Variants in NVL observed in about 807,000 individuals in gnomAD.
NVL encodes the protein nuclear valosin-containing protein-like.
A neutral mutation model predicts 110.2 loss-of-function variants in NVL; 84 were observed. That is an observed-to-expected ratio of 0.76 (90% CI 0.64 to 0.91). NVL has a LOEUF of 0.91. Ranked by LOEUF, NVL falls within the 40% of genes least tolerant of loss-of-function variation. The pLI is 0.00. For synonymous variants in NVL, 354 were observed against 361.1 expected, an observed-to-expected ratio of 0.98 and a Z score of 0.22; for missense variants, 882 against 1,035.9, an observed-to-expected ratio of 0.85 and a Z score of 2.04.
intron 18 of NVL, among the ~76,000 whole-genome samples, chr1:224,259,231 G>A (rs1663664216): frequency 6.6e-6 from 1 of 151,972 alleles, no homozygotes; most frequent in Non-Finnish European, 1.5e-5. Context: ...TGGGACTCTA[G>A]GTGCGCACCA....
chr1:224,301,071 A>T (rs896145327), intron 9 of NVL, among the ~76,000 whole-genome samples: 1 of 151,020 alleles, frequency 6.6e-6, no homozygotes, highest in East Asian at 1.9e-4. Flanking sequence ...GCGCCATTGC[A>T]CTCCAGCCTG....
At chr1:224,235,370 G>A (rs1660347206) in intron 20 of NVL, among the ~76,000 whole-genome samples, 1 of 151,986 alleles carries the variant, frequency 6.6e-6, no homozygotes, top group Non-Finnish European at 1.5e-5. Context: ...GTTTCACCAT[G>A]TTGGCCAGGT....
intron 18 of NVL, among the ~76,000 whole-genome samples, chr1:224,253,513 T>C (rs905233088): frequency 1.3e-5 from 2 of 150,702 alleles, no homozygotes; most frequent in African/African-American, 4.9e-5. Context: ...GGCGGGAGGA[T>C]CACAAGGTCA....
chr1:224,282,128 A>C (rs904767698), intron 15 of NVL, among the ~76,000 whole-genome samples: 22 of 148,914 alleles, frequency 1.5e-4, no homozygotes, highest in African/African-American at 5.5e-4. Flanking sequence ...TGCAGTGATG[A>C]GATCACCACT....
intron 20 of NVL, among the ~76,000 whole-genome samples, chr1:224,235,832 C>G (rs1242178907): frequency 6.6e-6 from 1 of 151,258 alleles, no homozygotes; most frequent in Non-Finnish European, 1.5e-5. Context: ...ATCCAGGAGG[C>G]TGAGGTCAGA....
chr1:224,284,500 C>T lies in NVL; in HGVS notation c.1899+1526G>A, dbSNP rs1012235573. 2.6e-5 allele frequency among the ~76,000 whole-genome samples: 4 copies of T among 152,048 alleles called. No homozygotes were observed. In the South Asian group the frequency reaches 6.2e-4, roughly 24 times the overall value. On this transcript the variant is annotated intron_variant, in intron 15 of 22. Coordinates refer to ENST00000281701, the MANE Select transcript of NVL (RefSeq NM_002533.4). ...AAGTGATTCTTGTGCCTCAGCCTCC[C>T]GAGTAGCTGGGATTACAGGCATGCA...
chr1:224,276,949 TTTTATGA>T (rs1665827830), intron 16 of NVL, among the ~76,000 whole-genome samples: 1 of 39,418 alleles, frequency 2.5e-5, no homozygotes, highest in Non-Finnish European at 5.4e-5. Flanking sequence ...ATAAAACTAG[TTTTATGA>T]CACATAAAAC....
chr1:224,258,092 A>C (rs934630170), intron 18 of NVL, among the ~76,000 whole-genome samples: 18 of 152,340 alleles, frequency 1.2e-4, no homozygotes, highest in South Asian at 2.1e-4. Context: ...TTGTGTTTCA[A>C]ATGACATCAA....
intron 18 of NVL, among the ~76,000 whole-genome samples, chr1:224,258,926 G>C (rs1217945673): frequency 7.0e-6 from 1 of 143,294 alleles, no homozygotes; most frequent in Non-Finnish European, 1.5e-5. Flanking sequence ...GGGGCATGCT[G>C]CAGGCCAGGA....
At chr1:224,261,222 T>A (rs1472908182) in intron 18 of NVL, among the ~76,000 whole-genome samples, 2 of 151,822 alleles carry the variant, frequency 1.3e-5, no homozygotes, top group Non-Finnish European at 2.9e-5. Context: ...CCCAGGCTAA[T>A]CTTGAACTCC....
chr1:224,285,166 G>A (rs1363225055), intron 15 of NVL, among the ~76,000 whole-genome samples: 1 of 152,192 alleles, frequency 6.6e-6, no homozygotes, highest in African/African-American at 2.4e-5. Context: ...GCTGGGGGTG[G>A]TGGCTCACGC....
At chr1:224,307,559 G>A (rs1669051895) in intron 6 of NVL, among the ~76,000 whole-genome samples, 1 of 152,124 alleles carries the variant, frequency 6.6e-6, no homozygotes, top group African/African-American at 2.4e-5. Context: ...AGTTAGCTAG[G>A]TGTGGTGGCA....
At chr1:224,299,084 G>A (rs931648272) in intron 10 of NVL, among the ~76,000 whole-genome samples, 8 of 152,148 alleles carry the variant, frequency 5.3e-5, no homozygotes, top group African/African-American at 1.4e-4. Flanking sequence ...GGCTGTCAGC[G>A]TCGCTTAAGG....
In NVL at chr1:224,233,121, C is replaced by G. The variant is rs868119103; in HGVS notation, c.2455+80G>C. ...GCTTTAATATCATAGATAATAGACA[C>G]TAGAAAATGGTCATTTTCCAGGGCA... On this transcript the variant is annotated intron_variant, in intron 21 of 22. Coordinates refer to ENST00000281701, the MANE Select transcript of NVL (RefSeq NM_002533.4). 6.8e-5 allele frequency: 81 copies of G among 1,197,758 alleles called. 1 individual carries two copies. The Middle Eastern group carries it at 4.3e-3, about 63-fold the overall frequency. 74.2% of individuals were successfully genotyped at this position (1,197,758 alleles called of 1,614,324 possible).
chr1:224,239,766 C>A (rs1372700589), intron 19 of NVL, among the ~76,000 whole-genome samples: 1 of 152,154 alleles, frequency 6.6e-6, no homozygotes, highest in Non-Finnish European at 1.5e-5. Context: ...ATTTAATGAA[C>A]TGGCTTTGTG....
chr1:224,231,459 A>T (rs1230499602), intron 21 of NVL, among the ~76,000 whole-genome samples, 163 bp from the exon 22 acceptor site: 1 of 152,214 alleles, frequency 6.6e-6, no homozygotes, highest in Non-Finnish European at 1.5e-5. Flanking sequence ...AGCCAGATAT[A>T]TTCTGCTCAT....
chr1:224,317,831 C>T (rs370871267), intron 3 of NVL, 38 bp from the exon 4 acceptor site: 12 of 1,553,922 alleles, frequency 7.7e-6, no homozygotes, highest in Middle Eastern at 3.4e-4. Context: ...CTAAAACAAT[C>T]GTTTGTATAA....
rs142041826 is a variant in NVL, at chr1:224,326,018, G to A, written c.131+373C>T. On this transcript the variant is annotated intron_variant, in intron 2 of 22. Transcript: ENST00000281701. ...TGCCCAGGCTGGTCTCAAACTCCTG[G>A]GCTTAAGCCATCCTCCCACCTCAGC... is the stretch of plus-strand genomic sequence containing the variant. Among the ~76,000 whole-genome samples, 955 of 152,140 alleles carry A rather than the reference G, an allele frequency of 6.3e-3. 6 individuals are homozygous for A. Among genetic ancestry groups the A allele is most frequent in the African/African-American group, 0.022 (893 of 41,486 alleles).
intron 1 of NVL, among the ~76,000 whole-genome samples, chr1:224,329,375 G>C (rs978133853): frequency 2.6e-5 from 4 of 152,106 alleles, no homozygotes; most frequent in African/African-American, 9.7e-5. Flanking sequence ...AGAGAACAGT[G>C]GCACAGAGCA....
Sources: allele counts gnomAD v4.1 joint callset (sites outside exome capture counted in the v4.1 genomes callset), GRCh38; gene constraint gnomAD v4.1.1; transcripts MANE v1.5; gene names NCBI Gene and HGNC (gene_info 2026-07-23, HGNC 2026-07-21).